MICAL1: variants seen among roughly 807,000 people sequenced by gnomAD.
The protein encoded by MICAL1 is [F-actin]-monooxygenase MICAL1.
In MICAL1, 95 loss-of-function variants were observed where a neutral mutation model predicts 131.8. That is an observed-to-expected ratio of 0.72 (90% confidence interval 0.61 to 0.86). MICAL1 has a LOEUF of 0.86. MICAL1 is among the 40% of genes least tolerant of loss of function. The probability of loss-of-function intolerance (pLI) is 0.00; values close to 1 mark genes in which losing one functional copy is unlikely to be tolerated. For missense variants in MICAL1, 1,292 were observed against 1,380.6 expected (o/e 0.94, Z 1.02); for synonymous variants, 546 against 554.2 (o/e 0.99, Z 0.21).
At chr6:109,449,522 A>G (rs777917090) in intron 10 of MICAL1, 41 bp from the exon 11 acceptor site, 1 of 1,612,304 alleles carries the variant, frequency 6.2e-7, no homozygotes, top group African/African-American at 1.3e-5. Context: ...GGCTGGCCAC[A>G]CAGCCCCTGA....
intron 5 of MICAL1, 45 bp from the exon 6 acceptor site, chr6:109,452,446 A>C: frequency 6.2e-7 from 1 of 1,611,442 alleles, no homozygotes; most frequent in Non-Finnish European, 8.5e-7. Flanking sequence ...AGGGGGTTAT[A>C]ACAATCTAGA....
intron 7 of MICAL1, 55 bp downstream of exon 7, chr6:109,451,545 C>A (rs1273480156): frequency 2.5e-6 from 4 of 1,604,904 alleles, no homozygotes; most frequent in Non-Finnish European, 2.6e-6. Context: ...CCAAGCCTAG[C>A]CTCTGCCTCC....
In MICAL1 at chr6:109,454,065, C is replaced by G. The variant is rs1192277399; in HGVS notation, c.132G>C (p.Gly44=). 6.2e-7 allele frequency: 1 copy of G among 1,613,874 alleles called. No homozygotes were observed. Among genetic ancestry groups the G allele is most frequent in the Non-Finnish European group, 8.5e-7 (1 of 1,180,000 alleles). The change falls in exon 2 of 25, where the codon GGG becomes GGC. Residue 44 remains glycine (G), a synonymous_variant. Transcript: ENST00000358807. ...CGALGLEPGG[G]LPQYHKIKDQ... The stretch of plus-strand genomic sequence containing the variant: ...CCTTGATCTTGTGGTACTGGGGCAG[C>G]CCCCCACCGGGTTCCAGCCCCAGGG...
At chr6:109,451,917 G>C (rs1381853075) in intron 6 of MICAL1, 6 of 1,388,364 alleles carry the variant, frequency 4.3e-6, no homozygotes, top group Non-Finnish European at 5.6e-6. Flanking sequence ...AGCTTGGAGG[G>C]GGGTGGCATT....
rs1775547318 is a variant in MICAL1, at chr6:109,451,629, A to G, written c.904T>C (p.Cys302Arg). 4.3e-6 allele frequency: 7 copies of G among 1,614,078 alleles called. No individual in the cohort carries two copies. The highest frequency in any genetic ancestry group is 5.1e-6 in the Non-Finnish European group (6 of 1,179,978). The change falls in exon 7 of 25, where the codon TGC (cysteine) becomes CGC (arginine). Residue 302 changes from cysteine (C) to arginine (R), a missense_variant. Transcript: ENST00000358807. ...CGCAGCACCCCCAGCCGCAGCAGGC[A>G]CTGCTTCTTGGCTGTCATCACAAAG... ...HYFVMTAKKQ[C>R]LLRLGVLRQD...
Position 109,452,561 on chromosome 6 carries a change from T to C in MICAL1, c.626A>G (p.Tyr209Cys), listed in dbSNP as rs1014031119. 3.7e-6 allele frequency: 6 copies of C among 1,613,630 alleles called. No individual in the cohort carries two copies. The highest frequency in any genetic ancestry group is 1.7e-5 in the Admixed American group (1 of 59,960). Residue 209 changes from tyrosine to cysteine, a missense_variant, in exon 5 of 25, where the codon TAT (tyrosine) becomes TGT (cysteine). Transcript: ENST00000358807. The part of the protein sequence containing the change: ...QPNPPAQLAN[Y>C]EFDVLISAAG... ...AGCCGAGATAAGGACGTCAAATTCA[T>C]AGTTGGCCAGCTGGGCAGGGGGGTT...
At position 109,449,635 on chromosome 6, in the gene MICAL1, G is replaced by T. The variant is rs747281209; in HGVS notation, c.1434+22C>A. ...GAAGGGGGTTGGCTTGGGAAGGCTG[G>T]TGGGTGTGTCGGGGGTCTGACCTGA... On this transcript the variant is annotated intron_variant, in intron 10 of 24. Coordinates refer to ENST00000358807, the MANE Select transcript of MICAL1 (RefSeq NM_022765.4). 9.5e-6 allele frequency: 15 copies of T among 1,586,502 alleles called. No individual in the cohort carries two copies. The Admixed American group carries it at 2.6e-4, about 27-fold the overall frequency.
In MICAL1 at chr6:109,451,703, G is replaced by A. The variant is rs772744159; in HGVS notation, c.833-3C>T. On this transcript the variant is annotated splice_polypyrimidine_tract_variant and splice_region_variant and intron_variant, in intron 6 of 24. Coordinates refer to ENST00000358807, the MANE Select transcript of MICAL1 (RefSeq NM_022765.4). Reference sequence around the variant, plus strand: ...CACAATGTTCTCCAGATCAATGCCTGGGGGTACAGGGCAGGGGACAGTAGA... The same window carrying A: ...CACAATGTTCTCCAGATCAATGCCTAGGGGTACAGGGCAGGGGACAGTAGA... The A allele has an allele frequency of 4.3e-6, 7 of 1,613,672 alleles. No individual in the cohort carries two copies. The South Asian group carries it at 6.6e-5, about 15-fold the overall frequency.
At position 109,454,248 on chromosome 6, in the gene MICAL1, G is replaced by A. The variant is rs1369594879; in HGVS notation, c.-43-9C>T. The A allele has an allele frequency of 3.2e-6, 5 of 1,545,612 alleles. No individual in the cohort carries two copies. The highest frequency in any genetic ancestry group is 1.7e-4 in the Middle Eastern group (1 of 5,836). ...TGGGCAGAGATGAGTGGCTGGAGAGGTGGAAAAAGAAGGGGAAGAGGCTGG... is the reference window on the plus strand; with the variant it reads ...TGGGCAGAGATGAGTGGCTGGAGAGATGGAAAAAGAAGGGGAAGAGGCTGG... On this transcript the variant is annotated splice_polypyrimidine_tract_variant and intron_variant, in intron 1 of 24. Transcript: ENST00000358807.
Position 109,444,365 on chromosome 6 carries a change from G to A in MICAL1, c.3056-26C>T, listed in dbSNP as rs776914842. On this transcript the variant is annotated intron_variant, in intron 24 of 24. Transcript: ENST00000358807. Reference sequence around the variant, plus strand: ...CTAAAAGGAGGAGACAAAGCTTAGAGAACAGGGAACTGGGCAGGGAAGCAG... The same window carrying A: ...CTAAAAGGAGGAGACAAAGCTTAGAAAACAGGGAACTGGGCAGGGAAGCAG... 1.7e-5 allele frequency: 28 copies of A among 1,612,984 alleles called. No homozygotes were observed. In the African/African-American group the frequency reaches 2.1e-4, roughly 12 times the overall value.
upstream of MICAL1, among the ~76,000 whole-genome samples, chr6:109,459,140 G>A: frequency 6.6e-6 from 1 of 152,138 alleles, no homozygotes; most frequent in East Asian, 1.9e-4. Flanking sequence ...AGAGGAAGTT[G>A]GAGATTTTAT....
chr6:109,464,214 A>G (rs574132417), intron 1 of MICAL1: 3 of 152,348 alleles, frequency 2.0e-5, no homozygotes, highest in African/African-American at 7.2e-5. Context: ...GTTGATACAT[A>G]TAAGATATAT....
chr6:109,459,784 C>T (rs898793165), upstream of MICAL1, among the ~76,000 whole-genome samples: 69 of 152,158 alleles, frequency 4.5e-4, no homozygotes, highest in African/African-American at 1.7e-3. Flanking sequence ...TTATAAGAAA[C>T]ATTTATCCAG....
At chr6:109,461,449 A>C (rs947833272) in intron 1 of MICAL1, among the ~76,000 whole-genome samples, 9 of 152,284 alleles carry the variant, frequency 5.9e-5, no homozygotes, top group African/African-American at 2.2e-4. Flanking sequence ...TTTATGTAAA[A>C]AAGTTATAAT....
rs1207057255 is a variant in MICAL1, at chr6:109,447,360, CT to C, written c.2066del (p.Gln689ArgfsTer215). The C allele has an allele frequency of 1.9e-6, 3 of 1,613,796 alleles. No homozygotes were observed. The African/African-American group carries it at 4.0e-5, about 22-fold the overall frequency. On this transcript the variant is annotated frameshift_variant, in exon 16 of 25. Transcript: ENST00000358807. LOFTEE classifies it high-confidence loss of function. ...GVPLTPPSQH[Q>X]EAGAGDLCAL... The stretch of plus-strand genomic sequence containing the variant: ...GCACACAAAGCCTGGCTCTCACCTC[CT>C]GGTGTTGGGATGGGGGTGTCAGGGG...
At chr6:109,465,728 T>A in exon 1 of MICAL1, 1 of 1,609,782 alleles carries the variant, frequency 6.2e-7, no homozygotes, top group Non-Finnish European at 8.5e-7. Context: ...CAGTTAGCCA[T>A]CACAGCTCTC....
chr6:109,462,611 A>G (rs1360446722), intron 1 of MICAL1: 1 of 152,232 alleles, frequency 6.6e-6, no homozygotes, highest in Non-Finnish European at 1.5e-5. Context: ...ATTCCTCAGC[A>G]TCATTTAATC....
intron 6 of MICAL1, 60 bp downstream of exon 6, chr6:109,452,186 G>A (rs914855769): frequency 1.3e-6 from 2 of 1,560,314 alleles, no homozygotes; most frequent in Non-Finnish European, 8.7e-7. Flanking sequence ...GGAAGGGAGA[G>A]GCAGGAGCCA....
upstream of MICAL1, among the ~76,000 whole-genome samples, chr6:109,459,719 A>T (rs1775841049): frequency 6.6e-6 from 1 of 152,224 alleles, no homozygotes; most frequent in Non-Finnish European, 1.5e-5. Flanking sequence ...AGGATCAGTT[A>T]AATACTTGCC....
Sources: gnomAD v4.1 joint callset for allele counts (sites outside exome capture counted in the v4.1 genomes callset) on GRCh38, gnomAD v4.1.1 for gene constraint, MANE v1.5 for transcripts, NCBI Gene and HGNC (gene_info 2026-07-23, HGNC 2026-07-21) for gene names.